ZNF717: variants seen among roughly 807,000 people sequenced by gnomAD.
ZNF717 encodes the protein krueppel-like factor X17.
A neutral mutation model predicts 13.8 loss-of-function variants in ZNF717; 9 were observed. That is an observed-to-expected ratio of 0.65 (90% CI 0.39 to 1.14). ZNF717 has a LOEUF of 1.14. ZNF717 is among the 50% of genes most tolerant of loss of function. The pLI, the probability that ZNF717 is intolerant of heterozygous loss-of-function variation, is 0.01. For missense variants in ZNF717, 1,040 were observed against 1,080.7 expected, an observed-to-expected ratio of 0.96 and a Z score of 0.53; for synonymous variants, 327 against 364.1, an observed-to-expected ratio of 0.90 and a Z score of 1.16.
At chr3:75,719,093 A>G (rs1938119686) in intron 4 of ZNF717, among the ~76,000 whole-genome samples, 2 of 152,130 alleles carry the variant, frequency 1.3e-5, no homozygotes, top group Non-Finnish European at 2.9e-5. Context: ...CAGGAGTTTG[A>G]GACCAACCTG....
At chr3:75,783,720 G>A (rs1401583173) in intron 1 of ZNF717, among the ~76,000 whole-genome samples, 1 of 152,134 alleles carries the variant, frequency 6.6e-6, no homozygotes, top group African/African-American at 2.4e-5. Flanking sequence ...AATATACTGG[G>A]CTGTATTAAC....
chr3:75,748,870 G>A (rs1941416486), intron 2 of ZNF717, among the ~76,000 whole-genome samples: 1 of 152,130 alleles, frequency 6.6e-6, no homozygotes, highest in African/African-American at 2.4e-5. Flanking sequence ...GAAATACAGT[G>A]TATTCAATTA....
At chr3:75,734,411 G>T (rs1938892552), downstream of ZNF717, among the ~76,000 whole-genome samples, 1 of 123,258 alleles carries the variant, frequency 8.1e-6, no homozygotes, top group Admixed American at 9.0e-5. Context: ...GGAATAAGTG[G>T]TGGTAAAATG....
intron 2 of ZNF717, among the ~76,000 whole-genome samples, chr3:75,782,252 T>G (rs1944876982): frequency 6.6e-6 from 1 of 152,172 alleles, no homozygotes; most frequent in South Asian, 2.1e-4. Context: ...AAATAAACAC[T>G]GGAAGTATTT....
chr3:75,776,331 CA>C (rs1944316421), intron 2 of ZNF717, among the ~76,000 whole-genome samples: 1 of 152,244 alleles, frequency 6.6e-6, no homozygotes, highest in Non-Finnish European at 1.5e-5. Context: ...GGAAAACAAT[CA>C]AAACTTCAGG....
intron 2 of ZNF717, among the ~76,000 whole-genome samples, chr3:75,769,669 G>A (rs375645076): frequency 7.2e-5 from 11 of 152,146 alleles, no homozygotes; most frequent in South Asian, 4.1e-4. Flanking sequence ...AATATTTTAC[G>A]TTAAAGCTAA....
Position 75,737,519 on chromosome 3 carries a change from G to C in ZNF717, c.2104C>G (p.Pro702Ala), listed in dbSNP as rs80089603. 5.1e-6 allele frequency: 8 copies of C among 1,554,112 alleles called. No homozygotes were observed. In the African/African-American group the frequency reaches 1.1e-4, roughly 21 times the overall value. Residue 702 changes from proline (P) to alanine (A), a missense_variant, in exon 5 of 5, where the codon CCT (proline) becomes GCT (alanine). Transcript: ENST00000652011. ...YIRELTPGKS[P>A]MNVMNVENPF... ...TTTTCCACATTCATTACATTCATAG[G>C]GCTTTTCCCCGGTGTGAGTTCTCTG...
At chr3:75,755,227 A>C (rs200172122) in intron 2 of ZNF717, among the ~76,000 whole-genome samples, 50 of 152,178 alleles carry the variant, frequency 3.3e-4, no homozygotes, top group African/African-American at 1.1e-3. Flanking sequence ...CAAAAGATAT[A>C]TAACTGAAAC....
At chr3:75,716,574 A>C (rs1355564093) in intron 4 of ZNF717, 2 of 152,218 alleles carry the variant, frequency 1.3e-5, no homozygotes, top group African/African-American at 4.8e-5. Context: ...GGCAGGAAAA[A>C]ACAAGCTGTG....
chr3:75,772,335 G>A (rs973640610), intron 2 of ZNF717, among the ~76,000 whole-genome samples: 14 of 152,212 alleles, frequency 9.2e-5, no homozygotes, highest in Non-Finnish European at 1.9e-4. Flanking sequence ...AACCAGCAGC[G>A]CTGAAAGAGG....
intron 2 of ZNF717, among the ~76,000 whole-genome samples, chr3:75,766,704 C>T (rs1213869433): frequency 6.6e-6 from 1 of 152,254 alleles, no homozygotes; most frequent in African/African-American, 2.4e-5. Context: ...ATTTATGAAG[C>T]ACACAGTTGA....
rs199946555 is a variant in ZNF717 at position 75,741,276 on chromosome 3, C to T, written c.277G>A (p.Ala93Thr). 0.034 allele frequency: 22,452 copies of T among 655,198 alleles called. No homozygotes were observed. Among genetic ancestry groups the T allele is most frequent in the Admixed American group, 0.063 (1,372 of 21,688 alleles). 40.6% of individuals were successfully genotyped at this position (655,198 alleles called of 1,614,324 possible). The change falls in exon 4 of 5, where the codon GCT becomes ACT. Residue 93 changes from alanine (A) to threonine (T), a missense_variant and splice_region_variant. By Grantham distance (58) the Ala-to-Thr change is moderately conservative (BLOSUM62 0). Transcript: ENST00000652011. ...VEETPNLRLS[A>T]VQIIDDLIER... ...CCCTGCCTGGTATTCACTGACTGACCTGAAAGTCTCAGGTTTGGGGTTTCT... is the reference window on the plus strand; with the variant it reads ...CCCTGCCTGGTATTCACTGACTGACTTGAAAGTCTCAGGTTTGGGGTTTCT...
At chr3:75,731,928 A>T, downstream of ZNF717, 1 of 622,036 alleles carries the variant, frequency 1.6e-6, no homozygotes, top group South Asian at 1.9e-5. Flanking sequence ...AAACCACCTT[A>T]GGAACCAGTG....
In ZNF717 at chr3:75,783,356, G is replaced by A. The variant is rs1228625341; in HGVS notation, c.7C>T (p.Pro3Ser). 1 of 1,551,010 alleles carries A rather than the reference G, an allele frequency of 6.4e-7. No individual in the cohort carries two copies. Among genetic ancestry groups the A allele is most frequent in the Non-Finnish European group, 8.7e-7 (1 of 1,146,572 alleles). The change falls in exon 2 of 5, where the codon CCA becomes TCA. Residue 3 changes from proline (P) to serine (S), a missense_variant. Physicochemically the swap from Pro to Ser is moderately conservative, Grantham distance 74. This residue lies in a region of ZNF717 where 123 missense variants were observed against 177.8 expected (regional missense o/e 0.69). Coordinates refer to ENST00000652011, the MANE Select transcript of ZNF717 (RefSeq NM_001290208.3). ...TCTTGGAAACAGCCAGAGAACACTG[G>A]AAACATAGCTGAGAGAGAAGGCAAA... MFPVFSGCFQELQ... is the reference protein window; with the variant it reads MFSVFSGCFQELQ...
chr3:75,742,612 C>A (rs113786459), intron 2 of ZNF717, among the ~76,000 whole-genome samples: 1 of 152,176 alleles, frequency 6.6e-6, no homozygotes, highest in Non-Finnish European at 1.5e-5. Flanking sequence ...AGAACACACA[C>A]CACTTTAATG....
intron 2 of ZNF717, among the ~76,000 whole-genome samples, chr3:75,745,529 T>C (rs1941064277): frequency 1.5e-5 from 2 of 132,030 alleles, no homozygotes; most frequent in African/African-American, 5.7e-5. Context: ...CAATAGGTCA[T>C]CATCAATTAC....
chr3:75,767,744 A>G (rs1459259993), intron 2 of ZNF717, among the ~76,000 whole-genome samples: 1 of 152,240 alleles, frequency 6.6e-6, no homozygotes, highest in Admixed American at 6.5e-5. Context: ...GGAAAGTGCT[A>G]CCAGCCTCCC....
At position 75,739,362 on chromosome 3, in the gene ZNF717, G is replaced by C. The variant is rs78030174; in HGVS notation, c.278-17C>G. On this transcript the variant is annotated splice_polypyrimidine_tract_variant and intron_variant, in intron 4 of 4. Transcript: ENST00000652011. ...TCTGGACAGCTGAAATGAGAAAAAA[G>C]GTATCCATGAACCACACATGAGCAT... The C allele has an allele frequency of 7.0e-7, 1 of 1,431,174 alleles. No individual in the cohort carries two copies. The highest frequency in any genetic ancestry group is 1.6e-5 in the South Asian group (1 of 63,530). The allele number at this position is 1,431,174 out of a possible 1,614,324, so 88.7% of individuals were successfully genotyped here. A position where few individuals can be genotyped will look rare whatever the true frequency, so the allele number is the denominator to read the frequency against.
chr3:75,737,516 T>A lies in ZNF717; in HGVS notation c.2107A>T (p.Met703Leu), dbSNP rs1939492270. ...IRELTPGKSP[M>L]NVMNVENPFI... ...GGATTTTCCACATTCATTACATTCA[T>A]AGGGCTTTTCCCCGGTGTGAGTTCT... Residue 703 changes from methionine (M) to leucine (L), a missense_variant, in exon 5 of 5, where the codon ATG (methionine) becomes TTG (leucine). Physicochemically the swap from Met to Leu is conservative, Grantham distance 15 (BLOSUM62 2). Around this residue, in one of 3 missense-constraint regions of ZNF717, gnomAD observed 873 missense variants for 832.8 expected, o/e 1.05. Coordinates refer to ENST00000652011, the MANE Select transcript of ZNF717 (RefSeq NM_001290208.3). 6.4e-7 allele frequency: 1 copy of A among 1,554,296 alleles called. No individual in the cohort carries two copies. The highest frequency in any genetic ancestry group is 8.7e-7 in the Non-Finnish European group (1 of 1,148,696).
Sources: gnomAD v4.1 joint callset for allele counts (sites outside exome capture counted in the v4.1 genomes callset) on GRCh38, gnomAD v4.1.1 for gene constraint, gnomAD v4.1.1 regional missense constraint, MANE v1.5 for transcripts, NCBI Gene and HGNC (gene_info 2026-07-23, HGNC 2026-07-21) for gene names.